KCNB2: variants seen among roughly 807,000 people sequenced by gnomAD.
KCNB2 encodes delayed rectifier potassium channel protein.
A neutral mutation model predicts 61.5 loss-of-function variants in KCNB2; 15 were observed. The observed-to-expected ratio is 0.24, with a 90% CI of 0.16 to 0.38. The LOEUF (loss-of-function observed/expected upper bound fraction) is 0.38, where lower values mean the gene tolerates loss of function less well. KCNB2 is among the 10% of genes least tolerant of loss of function. The pLI, the probability that KCNB2 is intolerant of heterozygous loss-of-function variation, is 1.00. For synonymous variants in KCNB2, 457 were observed against 446.0 expected (o/e 1.02, Z -0.31); for missense variants, 828 against 1,125.2 (o/e 0.74, Z 3.78).
At chr8:72,659,751 AAAACTCATTG>A (rs1384917325) in intron 2 of KCNB2, among the ~76,000 whole-genome samples, 3 of 152,236 alleles carry the variant, frequency 2.0e-5, no homozygotes, top group Non-Finnish European at 4.4e-5. Context: ...TCCACCAGCA[AAAACTCATTG>A]AAGGCTCAGA....
At chr8:72,918,888 T>A (rs546499386) in intron 2 of KCNB2, among the ~76,000 whole-genome samples, 17 of 152,274 alleles carry the variant, frequency 1.1e-4, no homozygotes, top group African/African-American at 4.1e-4. Context: ...TCCCGGCATA[T>A]ACAAAACTAG....
intron 2 of KCNB2, among the ~76,000 whole-genome samples, chr8:72,891,209 T>C (rs1197688629): frequency 6.6e-6 from 1 of 152,230 alleles, no homozygotes; most frequent in African/African-American, 2.4e-5. Context: ...ATATTTTTAA[T>C]GTAAAATAAA....
chr8:72,821,629 C>CAAAAAA (rs1563395050), intron 2 of KCNB2, among the ~76,000 whole-genome samples: 2 of 53,694 alleles, frequency 3.7e-5, no homozygotes, highest in African/African-American at 8.6e-5. Flanking sequence ...TACACACACA[C>CAAAAAA]ACAAAAAAAA....
chr8:72,599,119 A>G (rs1807247649), intron 2 of KCNB2, among the ~76,000 whole-genome samples: 1 of 152,182 alleles, frequency 6.6e-6, no homozygotes, highest in Non-Finnish European at 1.5e-5. Context: ...ATACGGAACC[A>G]AAAAAGAGCC....
intron 2 of KCNB2, among the ~76,000 whole-genome samples, chr8:72,858,672 TGAG>T: frequency 6.6e-6 from 1 of 152,186 alleles, no homozygotes; most frequent in Non-Finnish European, 1.5e-5. Context: ...GATCTGGAAA[TGAG>T]GAGGGCAATA....
At chr8:72,559,118 A>C (rs1806471786) in intron 1 of KCNB2, among the ~76,000 whole-genome samples, 1 of 151,566 alleles carries the variant, frequency 6.6e-6, no homozygotes, top group African/African-American at 2.4e-5. Flanking sequence ...TTCTTTCTTT[A>C]TTTTATTTTG....
intron 2 of KCNB2, among the ~76,000 whole-genome samples, chr8:72,708,064 A>G (rs1807261654): frequency 6.6e-6 from 1 of 152,148 alleles, no homozygotes; most frequent in South Asian, 2.1e-4. Context: ...AGGCATCCAG[A>G]CCAATGTGAC....
chr8:72,627,748 GAT>G (rs908626608), intron 2 of KCNB2, among the ~76,000 whole-genome samples: 122 of 152,260 alleles, frequency 8.0e-4, no homozygotes, highest in Non-Finnish European at 1.3e-3. Context: ...TCTGACTTCA[GAT>G]AACTCTCCTT....
chr8:72,580,379 A>T (rs1444943010), intron 2 of KCNB2, among the ~76,000 whole-genome samples: 1 of 152,170 alleles, frequency 6.6e-6, no homozygotes, highest in Admixed American at 6.5e-5. Flanking sequence ...ATTCATACCC[A>T]GTCTAGCCAC....
intron 2 of KCNB2, among the ~76,000 whole-genome samples, chr8:72,920,488 T>TATATATATATA (rs57048446): frequency 4.0e-4 from 55 of 137,176 alleles, no homozygotes; most frequent in East Asian, 8.0e-4. Flanking sequence ...TATATATATA[T>TATATATATATA]TAGCTGGCCA....
At chr8:72,852,713 T>G (rs1173694960) in intron 2 of KCNB2, among the ~76,000 whole-genome samples, 1 of 151,396 alleles carries the variant, frequency 6.6e-6, no homozygotes, top group Admixed American at 6.6e-5. Context: ...AAAGGTATTT[T>G]ATAAATGAAT....
chr8:72,927,566 G>A (rs1806676837), intron 2 of KCNB2, among the ~76,000 whole-genome samples: 1 of 151,956 alleles, frequency 6.6e-6, no homozygotes, highest in African/African-American at 2.4e-5. Context: ...CCACTGCACC[G>A]ACCCCCAACT....
In KCNB2 at chr8:72,928,324, C is replaced by G. The variant is rs114173508; in HGVS notation, c.580-7611C>G. On this transcript the variant is annotated intron_variant, in intron 2 of 2. Transcript: ENST00000523207. ...TCTCATGCTTCAGTCACCCAAGTAG[C>G]TGCGACTACAGGCACACGTAACCAC... Among the ~76,000 whole-genome samples, 485 of 151,936 alleles carry G rather than the reference C, an allele frequency of 3.2e-3. 2 individuals are homozygous for G. The highest frequency in any genetic ancestry group is 0.011 in the African/African-American group (436 of 41,404).
chr8:72,843,373 G>C (rs1458112142), intron 2 of KCNB2, among the ~76,000 whole-genome samples: 1 of 152,156 alleles, frequency 6.6e-6, no homozygotes, highest in Non-Finnish European at 1.5e-5. Context: ...GTCAATTTTT[G>C]AATAAGTGTG....
At chr8:72,928,466 G>A (rs1448420956) in intron 2 of KCNB2, among the ~76,000 whole-genome samples, 1 of 151,880 alleles carries the variant, frequency 6.6e-6, no homozygotes, top group Non-Finnish European at 1.5e-5. Context: ...AAAGTGCTGG[G>A]GTTACAGGCA....
chr8:72,825,038 A>G (rs528185892), intron 2 of KCNB2, among the ~76,000 whole-genome samples: 3 of 152,280 alleles, frequency 2.0e-5, no homozygotes, highest in South Asian at 4.2e-4. Flanking sequence ...TGAACCCACT[A>G]AACACTAATT....
intron 2 of KCNB2, among the ~76,000 whole-genome samples, chr8:72,613,606 T>C (rs1410806249): frequency 6.6e-6 from 1 of 152,216 alleles, no homozygotes; most frequent in African/African-American, 2.4e-5. Context: ...TGGTGATACA[T>C]CATCCCTCAG....
At chr8:72,759,798 T>C (rs904877219) in intron 2 of KCNB2, among the ~76,000 whole-genome samples, 2 of 152,152 alleles carry the variant, frequency 1.3e-5, no homozygotes, top group African/African-American at 2.4e-5. Context: ...TCATCATTCA[T>C]GGGAGGATTT....
chr8:72,836,791 G>A (rs993425572), intron 2 of KCNB2, among the ~76,000 whole-genome samples: 12 of 152,220 alleles, frequency 7.9e-5, no homozygotes, highest in Non-Finnish European at 1.2e-4. Context: ...CATACCTGTA[G>A]TCCCAGCTAC....
Sources: gnomAD v4.1 joint callset for allele counts (sites outside exome capture counted in the v4.1 genomes callset) on GRCh38, gnomAD v4.1.1 for gene constraint, MANE v1.5 for transcripts, NCBI Gene and HGNC (gene_info 2026-07-23, HGNC 2026-07-21) for gene names.